Variants in FRMD3 observed in about 807,000 individuals in gnomAD.
FRMD3 encodes FERM domain-containing protein 3.
Under a neutral mutation model 70.2 loss-of-function variants are expected in FRMD3, and 33 were observed. The ratio of observed to expected loss-of-function variants is 0.47; its 90% confidence interval spans 0.36 to 0.63. FRMD3 has a LOEUF of 0.63. FRMD3 is among the 20% of genes least tolerant of loss of function. The probability of loss-of-function intolerance (pLI) is 0.00; values close to 1 mark genes in which losing one functional copy is unlikely to be tolerated. For synonymous variants in FRMD3, 279 were observed against 255.9 expected, an observed-to-expected ratio of 1.09 and a Z score of -0.86; for missense variants, 632 against 711.4, an observed-to-expected ratio of 0.89 and a Z score of 1.27.
the FRMD3 span, among the ~76,000 whole-genome samples, chr9:83,562,532 A>G: frequency 1.3e-5 from 2 of 152,210 alleles, no homozygotes; most frequent in Admixed American, 6.5e-5. Flanking sequence ...GGTGACTTCA[A>G]CCAGAAATAA....
chr9:83,497,075 T>G (rs140945703), intron 1 of FRMD3, among the ~76,000 whole-genome samples: 4,836 of 152,074 alleles, frequency 0.032, 264 homozygotes, highest in African/African-American at 0.11. Flanking sequence ...GATTGTACCA[T>G]TGCACTCCAG....
At chr9:83,343,549 G>A (rs947987206) in intron 4 of FRMD3, among the ~76,000 whole-genome samples, 3 of 152,144 alleles carry the variant, frequency 2.0e-5, no homozygotes, top group African/African-American at 7.2e-5. Context: ...GGCACGAGAA[G>A]AAATGAGGAA....
intron 1 of FRMD3, among the ~76,000 whole-genome samples, chr9:83,504,668 T>C (rs1279851094): frequency 2.0e-5 from 3 of 152,088 alleles, no homozygotes; most frequent in Non-Finnish European, 2.9e-5. Context: ...CTGACCACTC[T>C]ATAAAGAACA....
chr9:83,420,424 T>A (rs1338842191), intron 1 of FRMD3, among the ~76,000 whole-genome samples: 1 of 152,138 alleles, frequency 6.6e-6, no homozygotes, highest in African/African-American at 2.4e-5. Context: ...AATATACATA[T>A]CCCATGATCA....
In FRMD3 at chr9:83,507,720, A is replaced by C. The variant is rs1379538293; in HGVS notation, c.147+30365T>G. ...TATATATATATATATATATATATATATATATATATATATATATATCTTCTG... is the reference window on the plus strand; with the variant it reads ...TATATATATATATATATATATATATCTATATATATATATATATATCTTCTG... On this transcript the variant is annotated intron_variant, in intron 1 of 13. Transcript: ENST00000304195. Among the ~76,000 whole-genome samples, 36 of 105,970 alleles carry C rather than the reference A, an allele frequency of 3.4e-4. 1 individual carries two copies. The highest frequency in any genetic ancestry group is 4.0e-4 in the Admixed American group (4 of 9,950). 69.5% of individuals were successfully genotyped at this position (105,970 alleles called of 152,430 possible).
intron 13 of FRMD3, among the ~76,000 whole-genome samples, chr9:83,290,306 C>T (rs1022479966): frequency 3.9e-5 from 6 of 152,176 alleles, no homozygotes; most frequent in Admixed American, 1.3e-4. Flanking sequence ...TTTAATACAG[C>T]CACACATGGC....
At chr9:83,346,299 C>A (rs928532487) in intron 4 of FRMD3, among the ~76,000 whole-genome samples, 5 of 148,046 alleles carry the variant, frequency 3.4e-5, no homozygotes, top group Non-Finnish European at 4.5e-5. Flanking sequence ...AGCCAAATGT[C>A]CCCCAGCTGA....
intron 5 of FRMD3, among the ~76,000 whole-genome samples, chr9:83,338,171 G>C (rs1823639792): frequency 1.3e-5 from 2 of 152,068 alleles, no homozygotes; most frequent in Non-Finnish European, 2.9e-5. Flanking sequence ...TCAAACTCAT[G>C]AATAATTAGA....
intron 1 of FRMD3, 45 bp from the exon 2 acceptor site, chr9:83,389,753 G>T: frequency 7.4e-7 from 1 of 1,356,836 alleles, no homozygotes; most frequent in Non-Finnish European, 1.1e-6. Context: ...CTCACCTTGT[G>T]CATTCACGTC....
chr9:83,303,999 T>G (rs1835021704), intron 10 of FRMD3, among the ~76,000 whole-genome samples: 1 of 152,230 alleles, frequency 6.6e-6, no homozygotes, highest in Non-Finnish European at 1.5e-5. Flanking sequence ...CAATATGTGG[T>G]GCTTTGTAAA....
At chr9:83,267,815 G>A (rs899190960) in intron 13 of FRMD3, among the ~76,000 whole-genome samples, 3 of 152,292 alleles carry the variant, frequency 2.0e-5, no homozygotes, top group African/African-American at 2.4e-5. Flanking sequence ...CACTGCACAT[G>A]TATAGCACAT....
intron 6 of FRMD3, among the ~76,000 whole-genome samples, chr9:83,328,116 T>G (rs1836094611): frequency 6.6e-6 from 1 of 151,982 alleles, no homozygotes; most frequent in East Asian, 1.9e-4. Flanking sequence ...CAGGTCAAGT[T>G]CTATTGCTTC....
chr9:83,297,545 G>A (rs942356041), intron 12 of FRMD3: 1 of 307,112 alleles, frequency 3.3e-6, no homozygotes, highest in Non-Finnish European at 6.5e-6. Flanking sequence ...TGAAACAGAT[G>A]AATGATATGT....
intron 1 of FRMD3, among the ~76,000 whole-genome samples, chr9:83,532,186 A>G (rs760245645): frequency 6.6e-6 from 1 of 152,212 alleles, no homozygotes; most frequent in Non-Finnish European, 1.5e-5. Flanking sequence ...CTGAGGCCCA[A>G]TGAGGAAAAG....
chr9:83,472,177 A>G (rs967568698), intron 1 of FRMD3, among the ~76,000 whole-genome samples: 12 of 152,186 alleles, frequency 7.9e-5, no homozygotes, highest in African/African-American at 2.9e-4. Flanking sequence ...ATAGTGGTCC[A>G]TGGTCAAATA....
chr9:83,385,617 C>T (rs1825489687), intron 2 of FRMD3, among the ~76,000 whole-genome samples: 1 of 150,978 alleles, frequency 6.6e-6, no homozygotes, highest in Non-Finnish European at 1.5e-5. Flanking sequence ...AACCACCAGC[C>T]CCCAAGGCAA....
In FRMD3 at chr9:83,392,888, C is replaced by T. The variant is rs553255421; in HGVS notation, c.148-3180G>A. On this transcript the variant is annotated intron_variant, in intron 1 of 13. Transcript: ENST00000304195. Reference sequence around the variant, plus strand: ...TTTTGTTGATTCTCCCACAGGATAGCAGCTCTACGTGCAGTACTGATTGAG... The same window carrying T: ...TTTTGTTGATTCTCCCACAGGATAGTAGCTCTACGTGCAGTACTGATTGAG... Among the ~76,000 whole-genome samples, 10 of 152,270 alleles carry T rather than the reference C, an allele frequency of 6.6e-5. No individual in the cohort carries two copies. In the East Asian group the frequency reaches 1.9e-3, roughly 29 times the overall value.
At chr9:83,504,652 C>T (rs895906908) in intron 1 of FRMD3, among the ~76,000 whole-genome samples, 1 of 152,168 alleles carries the variant, frequency 6.6e-6, no homozygotes, top group South Asian at 2.1e-4. Context: ...ATCAGGGACA[C>T]CTTCCCTGAC....
intron 1 of FRMD3, among the ~76,000 whole-genome samples, chr9:83,390,975 C>T (rs1564054462): frequency 6.6e-6 from 1 of 152,020 alleles, no homozygotes; most frequent in Non-Finnish European, 1.5e-5. Flanking sequence ...CTACTCAAGA[C>T]CTTGAGAGAA....
Sources: gnomAD v4.1 joint callset for allele counts (sites outside exome capture counted in the v4.1 genomes callset) on GRCh38, gnomAD v4.1.1 for gene constraint, MANE v1.5 for transcripts, NCBI Gene and HGNC (gene_info 2026-07-23, HGNC 2026-07-21) for gene names.